The following SLC10A7 variants were observed in gnomAD, a reference collection of about 807,000 sequenced individuals.
The protein encoded by SLC10A7 is solute carrier family 10 member 7.
In SLC10A7, 29 loss-of-function variants were observed where a neutral mutation model predicts 43.2. The observed-to-expected ratio is 0.67, with a 90% CI of 0.50 to 0.92. The LOEUF (loss-of-function observed/expected upper bound fraction) is 0.92, where lower values mean the gene tolerates loss of function less well. SLC10A7 is among the 40% of genes least tolerant of loss of function. SLC10A7 has a pLI of 0.00. For synonymous variants in SLC10A7, 152 were observed against 144.8 expected (o/e 1.05, Z -0.35); for missense variants, 295 against 403.2 (o/e 0.73, Z 2.30).
At chr4:146,270,877 G>A (rs776714900) in intron 10 of SLC10A7, among the ~76,000 whole-genome samples, 34 of 152,154 alleles carry the variant, frequency 2.2e-4, no homozygotes, top group Admixed American at 1.8e-3. Context: ...GCACATGGGC[G>A]GTACCAAATA....
chr4:146,264,753 T>C (rs1220666503), intron 10 of SLC10A7, among the ~76,000 whole-genome samples: 1 of 152,214 alleles, frequency 6.6e-6, no homozygotes, highest in African/African-American at 2.4e-5. Flanking sequence ...GGGATCATCT[T>C]TGACAAATTC....
chr4:146,285,397 C>T (rs1265394904), intron 9 of SLC10A7, among the ~76,000 whole-genome samples: 2 of 152,174 alleles, frequency 1.3e-5, no homozygotes, highest in South Asian at 2.1e-4. Context: ...TTCTGTGCAA[C>T]AGTACCTCCC....
At chr4:146,314,918 A>G (rs1184418574) in intron 6 of SLC10A7, among the ~76,000 whole-genome samples, 2 of 152,150 alleles carry the variant, frequency 1.3e-5, no homozygotes, top group Non-Finnish European at 2.9e-5. Context: ...TGGTTTCCTT[A>G]GACTGCAATT....
chr4:146,501,084 C>T (rs945619010), intron 4 of SLC10A7, among the ~76,000 whole-genome samples: 3 of 152,126 alleles, frequency 2.0e-5, no homozygotes, highest in Non-Finnish European at 2.9e-5. Flanking sequence ...TCCTCATTCC[C>T]TTGACCTCTT....
chr4:146,483,364 CT>C (rs1734647312), intron 4 of SLC10A7, among the ~76,000 whole-genome samples: 1 of 151,968 alleles, frequency 6.6e-6, no homozygotes, highest in Non-Finnish European at 1.5e-5. Flanking sequence ...GGCTAAAGTT[CT>C]TGTATGTGAC....
intron 1 of SLC10A7, among the ~76,000 whole-genome samples, chr4:146,520,396 TTC>T (rs1738513062): frequency 6.6e-6 from 1 of 152,250 alleles, no homozygotes; most frequent in South Asian, 2.1e-4. Context: ...AACTGCTTTA[TTC>T]TCACAGTTAC....
At chr4:146,509,855 T>C in intron 3 of SLC10A7, 58 bp downstream of exon 3, 1 of 1,511,848 alleles carries the variant, frequency 6.6e-7, no homozygotes, top group Non-Finnish European at 8.9e-7. Flanking sequence ...ATAGAAACAA[T>C]AATGTCTCTA....
At chr4:146,394,345 C>G (rs1388099803) in intron 5 of SLC10A7, among the ~76,000 whole-genome samples, 1 of 152,084 alleles carries the variant, frequency 6.6e-6, no homozygotes, top group Non-Finnish European at 1.5e-5. Flanking sequence ...AAAGAAATGG[C>G]CAAGGTATGA....
intron 5 of SLC10A7, among the ~76,000 whole-genome samples, chr4:146,350,337 G>A (rs1734967642): frequency 1.3e-5 from 2 of 151,394 alleles, no homozygotes; most frequent in South Asian, 4.2e-4. Context: ...CTTAAAAAAC[G>A]GCGCACCACG....
intron 5 of SLC10A7, among the ~76,000 whole-genome samples, chr4:146,344,482 G>A (rs530722562): frequency 1.8e-4 from 27 of 151,964 alleles, no homozygotes; most frequent in Middle Eastern, 3.4e-3. Flanking sequence ...AGTCTTTTTG[G>A]CTTAATAAGC....
intron 5 of SLC10A7, among the ~76,000 whole-genome samples, chr4:146,358,694 GAGC>G (rs1735832562): frequency 6.6e-6 from 1 of 152,038 alleles, no homozygotes; most frequent in Admixed American, 6.6e-5. Flanking sequence ...TTTTTGTGTG[GAGC>G]AGTAGCTCAG....
intron 4 of SLC10A7, among the ~76,000 whole-genome samples, chr4:146,450,275 A>G (rs1731467407): frequency 6.6e-6 from 1 of 152,166 alleles, no homozygotes; most frequent in Non-Finnish European, 1.5e-5. Flanking sequence ...TAAGCAATCC[A>G]GTGTACAACT....
intron 10 of SLC10A7, among the ~76,000 whole-genome samples, chr4:146,276,245 T>G (rs1024786382): frequency 1.3e-5 from 2 of 152,204 alleles, no homozygotes; most frequent in African/African-American, 4.8e-5. Context: ...TTGATAGAGA[T>G]ATAACAAAAG....
intron 9 of SLC10A7, among the ~76,000 whole-genome samples, chr4:146,289,921 G>A (rs1730302073): frequency 6.7e-6 from 1 of 149,654 alleles, no homozygotes; most frequent in African/African-American, 2.4e-5. Flanking sequence ...TCGCCATGTT[G>A]GCCTGGCTGG....
At position 146,475,517 on chromosome 4, in the gene SLC10A7, G is replaced by A. The variant is rs2357082; in HGVS notation, c.396+28332C>T. On this transcript the variant is annotated intron_variant, in intron 4 of 11. Transcript: ENST00000335472. ...TTCCCCAAACATCCTTGCCTTCCAC[G>A]ATTGCCCTTCTTGAGCAACATGCTA... Among the ~76,000 whole-genome samples the A allele has an allele frequency of 3.3e-5, 5 of 152,066 alleles. No individual in the cohort carries two copies. In the East Asian group the frequency reaches 5.8e-4, roughly 18 times the overall value.
intron 5 of SLC10A7, among the ~76,000 whole-genome samples, chr4:146,426,111 C>T (rs1461952832): frequency 6.6e-6 from 1 of 152,122 alleles, no homozygotes; most frequent in Non-Finnish European, 1.5e-5. Flanking sequence ...CAAGGTAGAG[C>T]CACAAAATTA....
At chr4:146,256,642 A>G in intron 11 of SLC10A7, 122 bp from the exon 12 acceptor site, 4 of 1,130,668 alleles carry the variant, frequency 3.5e-6, no homozygotes, top group Non-Finnish European at 5.3e-6. Context: ...ATGGCATCAT[A>G]TAACCAATAA....
At chr4:146,352,662 A>G (rs1406624221) in intron 5 of SLC10A7, among the ~76,000 whole-genome samples, 2 of 112,708 alleles carry the variant, frequency 1.8e-5, no homozygotes, top group African/African-American at 7.0e-5. Context: ...CAAATGTAAA[A>G]GAACAGAAAT....
chr4:146,521,542 G>T, intron 1 of SLC10A7, 76 bp downstream of exon 1: 1 of 1,260,442 alleles, frequency 7.9e-7, no homozygotes, highest in South Asian at 1.3e-5. Flanking sequence ...AATGAGGGTT[G>T]CCCCACCTTT....
Sources: gnomAD v4.1 joint callset for allele counts (sites outside exome capture counted in the v4.1 genomes callset) on GRCh38, gnomAD v4.1.1 for gene constraint, MANE v1.5 for transcripts, NCBI Gene and HGNC (gene_info 2026-07-23, HGNC 2026-07-21) for gene names.